The following KIF1C variants were observed in gnomAD, a reference collection of about 807,000 sequenced individuals.
KIF1C encodes the protein kinesin family member 1C, also known as kinesin-like protein KIF1C.
Under a neutral mutation model 126.5 loss-of-function variants are expected in KIF1C, and 61 were observed. The observed-to-expected ratio is 0.48, with a 90% CI of 0.39 to 0.60. The LOEUF is 0.60. KIF1C is among the 20% of genes least tolerant of loss of function. KIF1C has a pLI of 0.00. For missense variants in KIF1C, 1,315 were observed against 1,489.2 expected (o/e 0.88, Z 1.93); for synonymous variants, 640 against 580.6 (o/e 1.10, Z -1.47).
At chr17:5,019,899 G>A (rs1193930581) in intron 18 of KIF1C, 97 bp from the exon 19 acceptor site, 3 of 865,502 alleles carry the variant, frequency 3.5e-6, no homozygotes, top group African/African-American at 1.7e-5. Context: ...GGTGGTGCAT[G>A]TGTGGTTTTT....
intron 13 of KIF1C, among the ~76,000 whole-genome samples, chr17:5,005,918 G>A (rs1159185428): frequency 6.6e-6 from 1 of 151,736 alleles, no homozygotes; most frequent in Non-Finnish European, 1.5e-5. Context: ...GTAGAGACGG[G>A]GGTTTTAGCC....
chr17:5,005,052 C>G (rs1373681998), intron 13 of KIF1C, 52 bp downstream of exon 13: 5 of 1,610,344 alleles, frequency 3.1e-6, no homozygotes, highest in Non-Finnish European at 4.2e-6. Flanking sequence ...CCCACCCCAT[C>G]CCTCCTCACT....
rs147429300 is a variant in KIF1C at position 5,022,236 on chromosome 17, C to T, written c.2155C>T (p.Arg719Cys). The T allele has an allele frequency of 2.8e-5, 46 of 1,614,042 alleles. No individual in the cohort carries two copies. The South Asian group carries it at 3.8e-4, about 13-fold the overall frequency. The stretch of plus-strand genomic sequence containing the variant: ...CTGTGGTCTGCCCAGCAGTGGCAAG[C>T]GCAGGGCCCCTCGCAGGGTTTATCA... ...KRCGLPSSGK[R>C]RAPRRVYQIP... The change falls in exon 22 of 23, where the codon CGC (arginine) becomes TGC (cysteine). Residue 719 changes from arginine to cysteine, a missense_variant. Coordinates refer to ENST00000320785, the MANE Select transcript of KIF1C (RefSeq NM_006612.6). The surrounding 1 kb of genome is among the most constrained non-coding windows in gnomAD (Gnocchi z 4.9).
rs762888777 is a variant in KIF1C at position 5,026,108 on chromosome 17, G to T, written c.*1957G>T. On this transcript the variant is annotated 3_prime_UTR_variant, in exon 23 of 23. Coordinates refer to ENST00000320785, the MANE Select transcript of KIF1C (RefSeq NM_006612.6). ...AAACCACGGCTCTGGGCGAAGGAACGATTAGGTTTACTCTAGGTTTCCACA... is the reference window on the plus strand; with the variant it reads ...AAACCACGGCTCTGGGCGAAGGAACTATTAGGTTTACTCTAGGTTTCCACA... 2.0e-5 allele frequency: 3 copies of T among 152,188 alleles called. No individual in the cohort carries two copies. The highest frequency in any genetic ancestry group is 3.9e-4 in the East Asian group (2 of 5,194). 9.4% of individuals were successfully genotyped at this position (152,188 alleles called of 1,614,324 possible). A position where few individuals can be genotyped will look rare whatever the true frequency, so the allele number is the denominator to read the frequency against.
Position 5,020,659 on chromosome 17 carries a change from A to G in KIF1C, c.1918A>G (p.Lys640Glu). Residue 640 changes from lysine to glutamate, a missense_variant, in exon 20 of 23, where the codon AAG (lysine) becomes GAG (glutamate). Physicochemically the swap from Lys to Glu is moderately conservative, Grantham distance 56 (BLOSUM62 1). Around this residue, in one of 2 missense-constraint regions of KIF1C, gnomAD observed 874 missense variants for 1,053.2 expected, o/e 0.83. Coordinates refer to ENST00000320785, the MANE Select transcript of KIF1C (RefSeq NM_006612.6). This position sits in a 1 kb window ranked among gnomAD's most constrained non-coding sequence, Gnocchi z 5.8. ...ELLEQQGIDI[K>E]LEMEKRLQDL... Reference sequence around the variant, plus strand: ...GCTGGAGCAGCAAGGCATCGACATAAAGCTGGAAATGGAGAAGAGGTGCGA... The same window carrying G: ...GCTGGAGCAGCAAGGCATCGACATAGAGCTGGAAATGGAGAAGAGGTGCGA... The G allele has an allele frequency of 6.2e-7, 1 of 1,614,014 alleles. No homozygotes were observed. The highest frequency in any genetic ancestry group is 8.5e-7 in the Non-Finnish European group (1 of 1,179,918).
rs1567728681 is a variant in KIF1C, at chr17:5,022,379, CG to C, written c.2301del (p.Arg768GlyfsTer40). The C allele has an allele frequency of 6.3e-7, 1 of 1,581,372 alleles. No homozygotes were observed. The highest frequency in any genetic ancestry group is 8.6e-7 in the Non-Finnish European group (1 of 1,162,654). ...AGGTGGCCCTGGCTGACTTCCGCCA[CG>C]GGCGGGCTGAGATTGAGGCCCTGGC... The part of the protein sequence containing the change: ...YEVALADFRH[G>X]RAEIEALAAL... On this transcript the variant is annotated frameshift_variant, in exon 22 of 23. Coordinates refer to ENST00000320785, the MANE Select transcript of KIF1C (RefSeq NM_006612.6). LOFTEE classifies it high-confidence loss of function. This position sits in a 1 kb window ranked among gnomAD's most constrained non-coding sequence, Gnocchi z 4.9.
chr17:5,007,081 G>A lies in KIF1C; in HGVS notation c.1332G>A (p.Leu444=), dbSNP rs1025288225. The change falls in exon 14 of 23, where the codon CTG becomes CTA. Residue 444 remains leucine, a synonymous_variant. Coordinates refer to ENST00000320785, the MANE Select transcript of KIF1C (RefSeq NM_006612.6). ...GGCCTGAGGAAGCCATGGAGAGGCT[G>A]CAGGTGGGAAGCTGGAGCTGGCAAG... ...QIGPEEAMER[L]QETEKIIAEL... 5.7e-6 allele frequency: 9 copies of A among 1,586,888 alleles called. No homozygotes were observed. Among genetic ancestry groups the A allele is most frequent in the African/African-American group, 1.4e-5 (1 of 73,078 alleles).
intron 3 of KIF1C, 112 bp downstream of exon 3, chr17:5,000,464 G>A: frequency 1.3e-6 from 1 of 776,526 alleles, no homozygotes; most frequent in East Asian, 2.7e-5. Flanking sequence ...GCACAGAGCA[G>A]GTGCTAGTCG....
Position 5,007,051 on chromosome 17 carries a change from G to A in KIF1C, c.1302G>A (p.Gln434=), listed in dbSNP as rs144939400. The A allele has an allele frequency of 1.2e-6, 2 of 1,603,932 alleles. No individual in the cohort carries two copies. The highest frequency in any genetic ancestry group is 1.7e-6 in the Non-Finnish European group (2 of 1,176,974). The change falls in exon 14 of 23, where the codon CAG becomes CAA. Residue 434 remains glutamine (Q), a synonymous_variant. Transcript: ENST00000320785. ...EPSFSPNTES[Q]IGPEEAMERL... ...CATTCTCCCCCAACACGGAGTCCCA[G>A]ATTGGGCCTGAGGAAGCCATGGAGA...
At chr17:5,021,763 C>T (rs970890740) in intron 21 of KIF1C, among the ~76,000 whole-genome samples, 10 of 151,990 alleles carry the variant, frequency 6.6e-5, no homozygotes, top group Non-Finnish European at 1.2e-4. Context: ...ATTGCAGGCA[C>T]GAGCCACCAC....
At position 5,020,939 on chromosome 17, in the gene KIF1C, G is replaced by C; in HGVS notation, c.2010+61G>C. ...GCAGATGAGCCGCAAGCCTGAGTCC[G>C]AGTGCAGTGCTCACCGCTGAGCCAG... On this transcript the variant is annotated intron_variant, in intron 21 of 22. Coordinates refer to ENST00000320785, the MANE Select transcript of KIF1C (RefSeq NM_006612.6). This position sits in a 1 kb window ranked among gnomAD's most constrained non-coding sequence, Gnocchi z 5.8. The C allele has an allele frequency of 7.0e-7, 1 of 1,428,410 alleles. No homozygotes were observed. Among genetic ancestry groups the C allele is most frequent in the East Asian group, 2.5e-5 (1 of 40,520 alleles). The allele number at this position is 1,428,410 out of a possible 1,614,324, so 88.5% of individuals were successfully genotyped here.
chr17:5,014,496 C>G (rs1014894134), intron 17 of KIF1C, among the ~76,000 whole-genome samples: 19 of 151,870 alleles, frequency 1.3e-4, no homozygotes, highest in African/African-American at 4.6e-4. Flanking sequence ...GTTGGCGAGC[C>G]TGCTGTATAA....
At chr17:4,999,765 C>G (rs576846243) in intron 1 of KIF1C, 85 bp from the exon 2 acceptor site, 2 of 172,638 alleles carry the variant, frequency 1.2e-5, no homozygotes, top group East Asian at 1.5e-4. Flanking sequence ...CTATTCCCCC[C>G]GTAACCTTGG....
chr17:5,005,355 G>A (rs545066027), intron 13 of KIF1C, among the ~76,000 whole-genome samples: 3 of 152,336 alleles, frequency 2.0e-5, no homozygotes, highest in Admixed American at 6.5e-5. Flanking sequence ...CTTGCAAAAC[G>A]TCAGAGTTGA....
intron 5 of KIF1C, 95 bp downstream of exon 5, chr17:5,001,496 G>C: frequency 1.6e-6 from 2 of 1,254,860 alleles, no homozygotes; most frequent in Non-Finnish European, 2.2e-6. Flanking sequence ...ATGGAACAGA[G>C]ACCTGGCTCT....
chr17:5,002,285 C>T lies in KIF1C; in HGVS notation c.429+161C>T, dbSNP rs149627766. On this transcript the variant is annotated intron_variant, in intron 6 of 22. Coordinates refer to ENST00000320785, the MANE Select transcript of KIF1C (RefSeq NM_006612.6). ...CAGCTTCGTATGTTCATCTGGGAGA[C>T]GCTGTTGATCGGACACACCTCCTGG... is the stretch of plus-strand genomic sequence containing the variant. Among the ~76,000 whole-genome samples, 625 of 152,278 alleles carry T rather than the reference C, an allele frequency of 4.1e-3. 3 individuals are homozygous for T. The highest frequency in any genetic ancestry group is 5.5e-3 in the Non-Finnish European group (376 of 68,032).
rs1597849417 is a variant in KIF1C, at chr17:5,006,991, A to G, written c.1242A>G (p.Ser414=). The G allele has an allele frequency of 6.2e-7, 1 of 1,611,814 alleles. No homozygotes were observed. The highest frequency in any genetic ancestry group is 8.5e-7 in the Non-Finnish European group (1 of 1,179,410). Residue 414 remains serine (S), a synonymous_variant, in exon 14 of 23, where the codon TCA becomes TCG. Transcript: ENST00000320785. The stretch of plus-strand genomic sequence containing the variant: ...CTCCCCCAGCTCCAGTTTCACCCTC[A>G]TCACCCACCACACATAATGGGGAGC... ...VSSPPAPVSP[S]SPTTHNGELE...
intron 16 of KIF1C, among the ~76,000 whole-genome samples, chr17:5,010,888 G>A (rs1045110513): frequency 6.0e-5 from 9 of 150,342 alleles, no homozygotes; most frequent in African/African-American, 2.2e-4. Flanking sequence ...TCGGCCCACT[G>A]CAAGCTCCGC....
chr17:5,002,830 G>A lies in KIF1C; in HGVS notation c.708G>A (p.Leu236=). The A allele has an allele frequency of 6.2e-7, 1 of 1,610,712 alleles. No homozygotes were observed. The highest frequency in any genetic ancestry group is 8.5e-7 in the Non-Finnish European group (1 of 1,179,234). The change falls in exon 8 of 23, where the codon CTG becomes CTA. Residue 236 remains leucine, a synonymous_variant. Coordinates refer to ENST00000320785, the MANE Select transcript of KIF1C (RefSeq NM_006612.6). ...GCTGCCATGACCAGCTCACGGGGCT[G>A]GACTCGGAGAAGGTGGGATCGCCCC... The part of the protein sequence containing the change: ...TQRCHDQLTG[L]DSEKVSKISL...
Sources: gnomAD v4.1 joint callset for allele counts (sites outside exome capture counted in the v4.1 genomes callset) on GRCh38, gnomAD v4.1.1 for gene constraint, gnomAD v4.1.1 regional missense constraint, Gnocchi (gnomAD v3.1) non-coding constraint, MANE v1.5 for transcripts, NCBI Gene and HGNC (gene_info 2026-07-23, HGNC 2026-07-21) for gene names.